Variants in FRAS1 observed in about 807,000 individuals in gnomAD.
The protein encoded by FRAS1 is extracellular matrix organizing protein FRAS1.
FRAS1 carries 290 observed loss-of-function variants against 435.2 expected under a neutral mutation model. The ratio of observed to expected loss-of-function variants is 0.67; its 90% CI spans 0.61 to 0.73. The LOEUF (loss-of-function observed/expected upper bound fraction) is 0.73, where lower values mean the gene tolerates loss of function less well. Ranked by LOEUF, FRAS1 falls within the 30% of genes least tolerant of loss-of-function variation. FRAS1 has a pLI of 0.00. For missense variants in FRAS1, 4,860 were observed against 5,001.5 expected (o/e 0.97, Z 0.85); for synonymous variants, 1,800 against 1,851.0 (o/e 0.97, Z 0.71).
chr4:78,355,032 A>G (rs940169725), intron 20 of FRAS1, among the ~76,000 whole-genome samples: 2 of 152,180 alleles, frequency 1.3e-5, no homozygotes, highest in Non-Finnish European at 2.9e-5. Context: ...AGGGTGACAT[A>G]TTAGAGGATT....
chr4:78,498,553 C>G (rs1453261007), intron 60 of FRAS1, among the ~76,000 whole-genome samples: 1 of 151,724 alleles, frequency 6.6e-6, no homozygotes, highest in Non-Finnish European at 1.5e-5. Flanking sequence ...AGTGACCCTC[C>G]TAGATTTCAA....
chr4:78,422,379 G>A (rs1282042610), intron 34 of FRAS1, among the ~76,000 whole-genome samples: 1 of 152,098 alleles, frequency 6.6e-6, no homozygotes, highest in Non-Finnish European at 1.5e-5. Context: ...TGCAGTCTGG[G>A]ATAAGAGCTC....
intron 64 of FRAS1, among the ~76,000 whole-genome samples, 156 bp from the exon 65 acceptor site, chr4:78,513,236 C>G (rs958980856): frequency 3.3e-5 from 5 of 151,950 alleles, no homozygotes; most frequent in African/African-American, 1.2e-4. Context: ...ATATGTATAC[C>G]CCCTGTTCAG....
At chr4:78,260,028 A>C (rs1726003571) in intron 6 of FRAS1, among the ~76,000 whole-genome samples, 1 of 151,928 alleles carries the variant, frequency 6.6e-6, no homozygotes, top group Non-Finnish European at 1.5e-5. Context: ...AGATATGCGG[A>C]GTTATTTCTG....
intron 2 of FRAS1, among the ~76,000 whole-genome samples, chr4:78,168,020 A>G (rs1721403879): frequency 6.6e-6 from 1 of 151,484 alleles, no homozygotes; most frequent in African/African-American, 2.4e-5. Flanking sequence ...GTGTGTCTCT[A>G]TTTTCTTCTG....
At chr4:78,482,817 G>A (rs1430108802) in intron 58 of FRAS1, among the ~76,000 whole-genome samples, 1 of 151,904 alleles carries the variant, frequency 6.6e-6, no homozygotes, top group Non-Finnish European at 1.5e-5. Flanking sequence ...CCCTTAAAGA[G>A]AGAAATTGGA....
chr4:78,139,690 A>T (rs1427297311), intron 2 of FRAS1, among the ~76,000 whole-genome samples: 4 of 152,224 alleles, frequency 2.6e-5, no homozygotes, highest in African/African-American at 9.6e-5. Context: ...CATAAATAGG[A>T]TAATTTCTTT....
At chr4:78,467,976 C>T (rs1304806651) in intron 50 of FRAS1, among the ~76,000 whole-genome samples, 2 of 151,544 alleles carry the variant, frequency 1.3e-5, no homozygotes, top group Non-Finnish European at 2.9e-5. Flanking sequence ...GCTTATTAAT[C>T]CCTTGTAGAT....
At chr4:78,095,562 GA>G (rs1319872310) in intron 2 of FRAS1, among the ~76,000 whole-genome samples, 2 of 152,200 alleles carry the variant, frequency 1.3e-5, no homozygotes, top group East Asian at 3.8e-4. Context: ...GGAAGAAAAA[GA>G]GGTTTTAATG....
intron 2 of FRAS1, among the ~76,000 whole-genome samples, chr4:78,085,385 T>A (rs1741095632): frequency 6.6e-6 from 1 of 152,172 alleles, no homozygotes; most frequent in African/African-American, 2.4e-5. Flanking sequence ...AAACATGGTC[T>A]TTTTGTTATT....
intron 71 of FRAS1, among the ~76,000 whole-genome samples, chr4:78,534,888 G>A (rs1466060634): frequency 3.3e-5 from 5 of 152,122 alleles, no homozygotes; most frequent in African/African-American, 1.2e-4. Flanking sequence ...TGGCATTTCC[G>A]ACCAGATTCT....
chr4:78,157,879 A>C (rs1720962218), intron 2 of FRAS1, among the ~76,000 whole-genome samples: 1 of 152,054 alleles, frequency 6.6e-6, no homozygotes, highest in African/African-American at 2.4e-5. Context: ...CAGTTTTATT[A>C]TTCTGTATAT....
chr4:78,276,126 A>T (rs1483942703), intron 9 of FRAS1, among the ~76,000 whole-genome samples: 1 of 152,178 alleles, frequency 6.6e-6, no homozygotes, highest in East Asian at 1.9e-4. Flanking sequence ...AAGCTTGTGC[A>T]TTCATCACGT....
intron 1 of FRAS1, among the ~76,000 whole-genome samples, chr4:78,061,935 A>G (rs959882969): frequency 5.9e-5 from 9 of 152,214 alleles, no homozygotes; most frequent in African/African-American, 2.2e-4. Context: ...GATGGTTGTA[A>G]CTTTGCATCC....
rs541218809 is a variant in FRAS1, at chr4:78,162,826, A to G, written c.109-74684A>G. 2.6e-5 allele frequency among the ~76,000 whole-genome samples: 4 copies of G among 152,346 alleles called. No homozygotes were observed. The East Asian group carries it at 7.7e-4, about 29-fold the overall frequency. On this transcript the variant is annotated intron_variant, in intron 2 of 73. Transcript: ENST00000512123. The stretch of plus-strand genomic sequence containing the variant: ...CTGAAAAGAAGGTAAGTTGTTAGAC[A>G]TGGTTTTAATTCCCTGCTGTGTCAG...
intron 1 of FRAS1, among the ~76,000 whole-genome samples, chr4:78,065,086 A>ACACACACATACG (rs1186537600): frequency 4.2e-5 from 6 of 143,556 alleles, no homozygotes; most frequent in Non-Finnish European, 6.1e-5. Context: ...ATATATATAC[A>ACACACACATACG]TACACACACA....
At chr4:78,277,800 A>G (rs1727128392) in intron 9 of FRAS1, among the ~76,000 whole-genome samples, 1 of 152,140 alleles carries the variant, frequency 6.6e-6, no homozygotes, top group Non-Finnish European at 1.5e-5. Context: ...TAGATAAATT[A>G]AAAGTATTCC....
rs6821315 is a variant in FRAS1, at chr4:78,266,773, G to C, written c.688-61G>C. On this transcript the variant is annotated intron_variant, in intron 7 of 73. Transcript: ENST00000512123. ...AAAATTGGGTGTCTTATGTGACAGT[G>C]CTTCTATTTGATGTATGGGACATTT... 3,824 of 1,254,246 alleles carry C rather than the reference G, an allele frequency of 3.0e-3. 93 individuals carry two copies. The African/African-American group carries it at 0.047, about 15-fold the overall frequency. The allele number at this position is 1,254,246 out of a possible 1,614,324, so 77.7% of individuals were successfully genotyped here. A position where few individuals can be genotyped will look rare whatever the true frequency, so the allele number is the denominator to read the frequency against.
chr4:78,145,455 T>C (rs112413815), intron 2 of FRAS1, among the ~76,000 whole-genome samples: 90 of 152,282 alleles, frequency 5.9e-4, no homozygotes, highest in African/African-American at 2.1e-3. Context: ...TTATTATTTT[T>C]ATTTAATTTT....
Sources: allele counts gnomAD v4.1 joint callset (sites outside exome capture counted in the v4.1 genomes callset), GRCh38; gene constraint gnomAD v4.1.1; transcripts MANE v1.5; gene names NCBI Gene and HGNC (gene_info 2026-07-23, HGNC 2026-07-21).